PDXDC1: variants seen among roughly 807,000 people sequenced by gnomAD.
The protein encoded by PDXDC1 is pyridoxal dependent decarboxylase domain containing 1.
A neutral mutation model predicts 100.1 loss-of-function variants in PDXDC1; 42 were observed. The ratio of observed to expected loss-of-function variants is 0.42; its 90% CI spans 0.33 to 0.54. The LOEUF is 0.54. Ranked by LOEUF, PDXDC1 falls within the 20% of genes least tolerant of loss-of-function variation. The pLI is 0.10. For missense variants in PDXDC1, 636 were observed against 979.2 expected (o/e 0.65, Z 4.68); for synonymous variants, 260 against 371.7 (o/e 0.70, Z 3.46).
chr16:15,025,500 A>G (rs2042529395), intron 13 of PDXDC1: 1 of 152,558 alleles, frequency 6.6e-6, no homozygotes, highest in Non-Finnish European at 1.5e-5. Flanking sequence ...ATGTGAAGGC[A>G]CTTAGCACAG....
intron 12 of PDXDC1, among the ~76,000 whole-genome samples, chr16:15,021,134 T>C (rs1448325937): frequency 1.1e-4 from 17 of 152,276 alleles, no homozygotes; most frequent in Non-Finnish European, 1.9e-4. Context: ...CCCAGCACTT[T>C]GGGAGGCCAA....
At chr16:15,013,658 C>A (rs1357097813) in intron 8 of PDXDC1, among the ~76,000 whole-genome samples, 1 of 152,262 alleles carries the variant, frequency 6.6e-6, no homozygotes, top group African/African-American at 2.4e-5. Context: ...AGGCAGATCA[C>A]AAGGTCAGGA....
chr16:15,126,087 T>C (rs2047706580), intron 16 of PDXDC1: 2 of 503,004 alleles, frequency 4.0e-6, no homozygotes, highest in South Asian at 2.1e-5. Context: ...CAGGCTGGAG[T>C]GCACTGGCGC....
At chr16:15,080,212 A>G in intron 16 of PDXDC1, 2 of 1,294,360 alleles carry the variant, frequency 1.5e-6, no homozygotes, top group Non-Finnish European at 2.1e-6. Flanking sequence ...AGAAAAAAAC[A>G]GACTATCCAG....
intron 16 of PDXDC1, among the ~76,000 whole-genome samples, chr16:15,122,956 G>A (rs1187708215): frequency 6.7e-5 from 10 of 150,376 alleles, no homozygotes; most frequent in African/African-American, 2.0e-4. Context: ...GAAAGGATCC[G>A]GTTCAAATTA....
intron 16 of PDXDC1, among the ~76,000 whole-genome samples, chr16:15,052,968 G>A (rs1444973225): frequency 1.3e-5 from 2 of 152,172 alleles, no homozygotes; most frequent in African/African-American, 4.8e-5. Context: ...AGTGACTAAG[G>A]GAGGGCTCTA....
intron 14 of PDXDC1, among the ~76,000 whole-genome samples, chr16:15,027,948 C>A (rs1339349726): frequency 1.3e-5 from 2 of 152,286 alleles, no homozygotes; most frequent in Admixed American, 1.3e-4. Context: ...TTTCTCTCCC[C>A]AGCACTTCCC....
chr16:15,141,645 G>A (rs1371950477), downstream of PDXDC1, among the ~76,000 whole-genome samples: 4 of 151,934 alleles, frequency 2.6e-5, no homozygotes, highest in African/African-American at 4.8e-5. Flanking sequence ...CTTCTCTGCC[G>A]TCCCCTCCTC....
chr16:14,975,480 G>A (rs1224091084), intron 1 of PDXDC1: 3 of 985,492 alleles, frequency 3.0e-6, no homozygotes, highest in Non-Finnish European at 3.6e-6. Context: ...GCCCAGGACT[G>A]GGACCGCGGG....
intron 16 of PDXDC1, chr16:15,125,827 G>C (rs2047684215): frequency 1.0e-6 from 1 of 971,170 alleles, no homozygotes; most frequent in Admixed American, 1.9e-5. Context: ...GACAGCAGTG[G>C]TCAGCGGGCG....
intron 17 of PDXDC1, chr16:15,032,428 T>C (rs1567720199): frequency 5.9e-6 from 1 of 170,822 alleles, no homozygotes. Flanking sequence ...AACAGGAGCA[T>C]AGATGACTTG....
chr16:15,097,650 A>T (rs1403245230), intron 16 of PDXDC1, among the ~76,000 whole-genome samples: 1 of 151,540 alleles, frequency 6.6e-6, no homozygotes, highest in African/African-American at 2.4e-5. Flanking sequence ...TCCAAAAAAA[A>T]AAAAAAGAAC....
Position 15,038,051 on chromosome 16 carries a change from T to C in PDXDC1, c.*1776T>C. The C allele has an allele frequency of 6.2e-7, 1 of 1,612,582 alleles. No homozygotes were observed. The highest frequency in any genetic ancestry group is 1.3e-5 in the African/African-American group (1 of 74,960). On this transcript the variant is annotated 3_prime_UTR_variant, in exon 23 of 23. Transcript: ENST00000396410. ...GTTTTTTAACTTCCTGGAGAAGAGA[T>C]CTTTTCCCACAAGCCATCTTCATTT...
At chr16:15,112,284 C>A (rs1347960280) in intron 16 of PDXDC1, among the ~76,000 whole-genome samples, 3 of 147,960 alleles carry the variant, frequency 2.0e-5, no homozygotes, top group African/African-American at 7.3e-5. Context: ...AGTGGCGCTA[C>A]CTTGGCTCAC....
intron 16 of PDXDC1, among the ~76,000 whole-genome samples, chr16:15,056,591 C>G (rs969904385): frequency 2.6e-5 from 4 of 152,010 alleles, no homozygotes; most frequent in Admixed American, 6.6e-5. Flanking sequence ...GCCTGGGCAA[C>G]ATAGTGAGAC....
At chr16:15,125,987 C>G (rs984270509) in intron 16 of PDXDC1, 6 of 600,034 alleles carry the variant, frequency 1.0e-5, no homozygotes, top group African/African-American at 5.6e-5. Context: ...ACGTGTGCCA[C>G]TGAACACTTG....
intron 16 of PDXDC1, chr16:15,125,466 A>C: frequency 1.1e-6 from 1 of 900,240 alleles, no homozygotes; most frequent in South Asian, 1.3e-5. Context: ...ACAGACACCC[A>C]GCAAGGACAC....
At position 15,037,952 on chromosome 16, in the gene PDXDC1, G is replaced by GA; in HGVS notation, c.*1678dup. ...GAGGCCTAAGACCCAACAGATGTAG[G>GA]ATCCAGATCTGGATTCGTGCCAGCC... On this transcript the variant is annotated 3_prime_UTR_variant, in exon 23 of 23. Coordinates refer to ENST00000396410, the MANE Select transcript of PDXDC1 (RefSeq NM_015027.4). 2 of 997,642 alleles carry GA rather than the reference G, an allele frequency of 2.0e-6. No individual in the cohort carries two copies. The allele number at this position is 997,642 out of a possible 1,614,324, so 61.8% of individuals were successfully genotyped here. A position where few individuals can be genotyped will look rare whatever the true frequency, so the allele number is the denominator to read the frequency against.
At chr16:14,978,024 ATAG>A (rs760801667) in intron 1 of PDXDC1, among the ~76,000 whole-genome samples, 64 of 151,964 alleles carry the variant, frequency 4.2e-4, no homozygotes, top group Non-Finnish European at 9.1e-4. Context: ...TGGTCCAAAT[ATAG>A]TTCTGTCCCT....
Sources: gnomAD v4.1 joint callset for allele counts (sites outside exome capture counted in the v4.1 genomes callset) on GRCh38, gnomAD v4.1.1 for gene constraint, MANE v1.5 for transcripts, NCBI Gene and HGNC (gene_info 2026-07-23, HGNC 2026-07-21) for gene names.